The following CCDC181 variants were observed in gnomAD, a reference collection of about 807,000 sequenced individuals.
CCDC181 encodes coiled-coil domain-containing protein 181.
Under a neutral mutation model 58.7 loss-of-function variants are expected in CCDC181, and 35 were observed. That is an observed-to-expected ratio of 0.60 (90% CI 0.46 to 0.79). The LOEUF (loss-of-function observed/expected upper bound fraction) is 0.79, where lower values mean the gene tolerates loss of function less well. Ranked by LOEUF, CCDC181 falls within the 30% of genes least tolerant of loss-of-function variation. The pLI is 0.00. For missense variants in CCDC181, 517 were observed against 583.9 expected (o/e 0.89, Z 1.18); for synonymous variants, 183 against 197.5 (o/e 0.93, Z 0.62).
At chr1:169,423,201 A>G (rs115545051) in intron 2 of CCDC181, among the ~76,000 whole-genome samples, 97 of 151,850 alleles carry the variant, frequency 6.4e-4, no homozygotes, top group African/African-American at 2.2e-3. Flanking sequence ...ATCCTGTGTG[A>G]TAGTGAAGGT....
Position 169,424,939 on chromosome 1 carries a change from G to A in CCDC181, c.-12C>T. 6.8e-7 allele frequency: 1 copy of A among 1,466,826 alleles called. No homozygotes were observed. The highest frequency in any genetic ancestry group is 9.5e-7 in the Non-Finnish European group (1 of 1,049,936). 90.9% of individuals were successfully genotyped at this position (1,466,826 alleles called of 1,614,324 possible). ...TTATTTTCATTCATTTTCTGTTTGT[G>A]AAGGAAATATGCTGTAAGATTTTAA... On this transcript the variant is annotated 5_prime_UTR_variant, in exon 2 of 6. Transcript: ENST00000367806.
At chr1:169,411,471 T>C (rs944050826) in intron 4 of CCDC181, among the ~76,000 whole-genome samples, 3 of 151,954 alleles carry the variant, frequency 2.0e-5, no homozygotes, top group African/African-American at 7.3e-5. Flanking sequence ...AAAGAGGAGC[T>C]GGTACCATTA....
chr1:169,399,822 C>T (rs1655238081), intron 4 of CCDC181, among the ~76,000 whole-genome samples: 1 of 152,148 alleles, frequency 6.6e-6, no homozygotes, highest in African/African-American at 2.4e-5. Context: ...TTCACCCTGG[C>T]TCTGTACTTG....
chr1:169,395,156 C>CT lies in CCDC181; in HGVS notation c.1420dup (p.Arg474LysfsTer5), dbSNP rs758379973. The CT allele has an allele frequency of 5.0e-6, 8 of 1,613,246 alleles. No individual in the cohort carries two copies. The highest frequency in any genetic ancestry group is 1.7e-5 in the Admixed American group (1 of 59,834). ...TAGTCGGAGCTGTCTAGTTCTCTCT[C>CT]TGACAGCTTGTTGCTCTGCCATTTT... On this transcript the variant is annotated frameshift_variant, in exon 6 of 6. Transcript: ENST00000367806. LOFTEE classifies it high-confidence loss of function.
chr1:169,406,401 C>T (rs541144864), intron 4 of CCDC181, among the ~76,000 whole-genome samples: 5 of 152,130 alleles, frequency 3.3e-5, no homozygotes, highest in East Asian at 1.9e-4. Flanking sequence ...CCAACCCAAA[C>T]GTCCAACAAT....
chr1:169,440,987 T>C (rs1481605928), intron 2 of CCDC181, among the ~76,000 whole-genome samples: 1 of 148,056 alleles, frequency 6.8e-6, no homozygotes, highest in Admixed American at 6.9e-5. Context: ...TATTTTTTAT[T>C]GCCCATGGCA....
chr1:169,449,762 T>G (rs1657481779), intron 2 of CCDC181, among the ~76,000 whole-genome samples: 1 of 152,216 alleles, frequency 6.6e-6, no homozygotes, highest in Non-Finnish European at 1.5e-5. Flanking sequence ...CTGCCTGCTT[T>G]TATTCTAGCT....
intron 1 of CCDC181, among the ~76,000 whole-genome samples, chr1:169,425,980 C>A (rs1656692640): frequency 6.6e-6 from 1 of 151,868 alleles, no homozygotes; most frequent in South Asian, 2.1e-4. Flanking sequence ...AACATAAAAT[C>A]TGTATAATAA....
chr1:169,415,305 T>G (rs1656164201), intron 4 of CCDC181, among the ~76,000 whole-genome samples: 1 of 152,194 alleles, frequency 6.6e-6, no homozygotes, highest in South Asian at 2.1e-4. Flanking sequence ...ACTCCTCTTG[T>G]CTTCTATACC....
intron 4 of CCDC181, among the ~76,000 whole-genome samples, chr1:169,400,880 G>A (rs978495795): frequency 5.3e-5 from 8 of 152,250 alleles, no homozygotes; most frequent in Admixed American, 1.3e-4. Flanking sequence ...ACAAGGGGTC[G>A]GGGAATTCCC....
intron 4 of CCDC181, among the ~76,000 whole-genome samples, chr1:169,414,135 T>C (rs1656111767): frequency 1.3e-5 from 2 of 152,094 alleles, no homozygotes; most frequent in African/African-American, 4.8e-5. Flanking sequence ...CACAGATACA[T>C]TGAAAGTAAA....
intron 4 of CCDC181, among the ~76,000 whole-genome samples, chr1:169,412,813 C>A (rs1041358431): frequency 6.6e-6 from 1 of 152,160 alleles, no homozygotes; most frequent in Non-Finnish European, 1.5e-5. Context: ...GGAAAACTGG[C>A]TAGCCATATG....
At chr1:169,416,434 C>T (rs1656218570) in intron 4 of CCDC181, among the ~76,000 whole-genome samples, 1 of 152,100 alleles carries the variant, frequency 6.6e-6, no homozygotes, top group African/African-American at 2.4e-5. Context: ...CATCTTGGCC[C>T]CGTCACTCCT....
intron 1 of CCDC181, among the ~76,000 whole-genome samples, chr1:169,425,477 T>A (rs1213536999): frequency 6.6e-6 from 1 of 152,128 alleles, no homozygotes; most frequent in Non-Finnish European, 1.5e-5. Flanking sequence ...CAAAATAGAT[T>A]TGCTAAAGGA....
intron 2 of CCDC181, among the ~76,000 whole-genome samples, chr1:169,458,184 T>TTG (rs71573040): frequency 7.5e-5 from 11 of 147,396 alleles, no homozygotes; most frequent in African/African-American, 2.8e-4. Context: ...TGTTTTTTTT[T>TTG]TTTTGTTTTG....
At position 169,411,606 on chromosome 1, in the gene CCDC181, C is replaced by T. The variant is rs530404792; in HGVS notation, c.1215+7407G>A. Among the ~76,000 whole-genome samples the T allele has an allele frequency of 5.3e-5, 8 of 152,290 alleles. No homozygotes were observed. In the East Asian group the frequency reaches 1.5e-3, roughly 29 times the overall value. On this transcript the variant is annotated intron_variant, in intron 4 of 5. Transcript: ENST00000367806. Reference sequence around the variant, plus strand: ...AGAAAAGAAAATTTCAAGCCAATATCCCTGATGAACATCAATGTGAAAATT... The same window carrying T: ...AGAAAAGAAAATTTCAAGCCAATATTCCTGATGAACATCAATGTGAAAATT...
At chr1:169,454,624 T>C (rs1657635980) in intron 2 of CCDC181, 1 of 152,002 alleles carries the variant, frequency 6.6e-6, no homozygotes, top group Admixed American at 6.6e-5. Flanking sequence ...CTAATCAAAA[T>C]TCACAGGACG....
intron 4 of CCDC181, among the ~76,000 whole-genome samples, chr1:169,413,674 G>C (rs1461436899): frequency 6.6e-6 from 1 of 152,130 alleles, no homozygotes; most frequent in Non-Finnish European, 1.5e-5. Flanking sequence ...ATATACCATG[G>C]AATAGTATGC....
chr1:169,431,193 T>G (rs111439120), upstream of CCDC181, among the ~76,000 whole-genome samples: 5 of 152,356 alleles, frequency 3.3e-5, 1 homozygote, highest in African/African-American at 1.2e-4. Flanking sequence ...TGATTTTATA[T>G]CCTGAAACTT....
Sources: gnomAD v4.1 joint callset for allele counts (sites outside exome capture counted in the v4.1 genomes callset) on GRCh38, gnomAD v4.1.1 for gene constraint, MANE v1.5 for transcripts, NCBI Gene and HGNC (gene_info 2026-07-23, HGNC 2026-07-21) for gene names.